The following COMMD1 variants were observed in gnomAD, a reference collection of about 807,000 sequenced individuals.
The protein encoded by COMMD1 is COMM domain-containing protein 1.
Under a neutral mutation model 17.2 loss-of-function variants are expected in COMMD1, and 10 were observed. The ratio of observed to expected loss-of-function variants is 0.58; its 90% CI spans 0.36 to 0.99. The LOEUF is 0.99. Among genes scored for constraint, COMMD1 ranks in the 50% least tolerant of loss-of-function variants. COMMD1 has a pLI of 0.01. For synonymous variants in COMMD1, 97 were observed against 91.6 expected (o/e 1.06, Z -0.34); for missense variants, 270 against 231.8 (o/e 1.17, Z -1.07).
rs113312504 is a variant in COMMD1 at position 62,057,960 on chromosome 2, T to C, written c.462+56978T>C. Among the ~76,000 whole-genome samples, 825 of 152,300 alleles carry C rather than the reference T, an allele frequency of 5.4e-3. 10 individuals are homozygous for C. The highest frequency in any genetic ancestry group is 0.019 in the African/African-American group (784 of 41,558). On this transcript the variant is annotated intron_variant, in intron 2 of 2. Coordinates refer to ENST00000311832, the MANE Select transcript of COMMD1 (RefSeq NM_152516.4). Reference sequence around the variant, plus strand: ...TTATTTTTTTTCCAAACCCTGCATGTGGCATTTGAGCATGGTTTATTTTAA... The same window carrying C: ...TTATTTTTTTTCCAAACCCTGCATGCGGCATTTGAGCATGGTTTATTTTAA...
At chr2:62,088,006 C>T (rs1448144783) in intron 2 of COMMD1, among the ~76,000 whole-genome samples, 1 of 152,194 alleles carries the variant, frequency 6.6e-6, no homozygotes, top group Non-Finnish European at 1.5e-5. Context: ...TGGCAAAAGT[C>T]ATGAATAACA....
chr2:62,007,857 G>C (rs1240230050), intron 2 of COMMD1, among the ~76,000 whole-genome samples: 1 of 152,108 alleles, frequency 6.6e-6, no homozygotes, highest in Non-Finnish European at 1.5e-5. Context: ...TAGTAAATAA[G>C]GAGTAAGAAT....
At chr2:62,062,821 C>A (rs2060632) in intron 2 of COMMD1, among the ~76,000 whole-genome samples, 2 of 151,750 alleles carry the variant, frequency 1.3e-5, no homozygotes, top group Non-Finnish European at 1.5e-5. Context: ...TGTAATCTTA[C>A]CACTTTCGGA....
chr2:61,907,552 CAT>C (rs1217471442), intron 1 of COMMD1, among the ~76,000 whole-genome samples: 1 of 152,016 alleles, frequency 6.6e-6, no homozygotes, highest in Non-Finnish European at 1.5e-5. Flanking sequence ...GACAACAGCA[CAT>C]GTGTAGGTAA....
chr2:62,116,108 C>T (rs1308333132), intron 2 of COMMD1, among the ~76,000 whole-genome samples: 1 of 152,002 alleles, frequency 6.6e-6, no homozygotes, highest in Non-Finnish European at 1.5e-5. Flanking sequence ...TGGCCTTCCA[C>T]AGTGCTGGGA....
intron 1 of COMMD1, among the ~76,000 whole-genome samples, chr2:61,894,484 A>T (rs1327339842): frequency 2.0e-5 from 3 of 152,060 alleles, no homozygotes; most frequent in Admixed American, 1.3e-4. Context: ...TCCTAGATCC[A>T]ACTACCAATG....
intron 2 of COMMD1, among the ~76,000 whole-genome samples, chr2:62,126,857 T>C (rs971160531): frequency 6.6e-6 from 1 of 152,058 alleles, no homozygotes; most frequent in African/African-American, 2.4e-5. Flanking sequence ...CTATTCAACA[T>C]AGTATTGAAA....
intron 1 of COMMD1, among the ~76,000 whole-genome samples, chr2:61,941,268 T>C (rs1670740968): frequency 6.6e-6 from 1 of 152,102 alleles, no homozygotes; most frequent in South Asian, 2.1e-4. Context: ...CCTTAGGTGA[T>C]CCACCCGCCT....
intron 2 of COMMD1, among the ~76,000 whole-genome samples, chr2:62,101,710 T>G (rs1672183270): frequency 6.6e-6 from 1 of 152,054 alleles, no homozygotes; most frequent in Non-Finnish European, 1.5e-5. Context: ...AGTTCAATAA[T>G]ATGCTAGAAT....
intron 2 of COMMD1, among the ~76,000 whole-genome samples, chr2:62,099,824 C>A (rs1672125183): frequency 6.6e-6 from 1 of 152,054 alleles, no homozygotes; most frequent in African/African-American, 2.4e-5. Context: ...TGTAGGGCCG[C>A]TGCATGTTGC....
intron 2 of COMMD1, among the ~76,000 whole-genome samples, chr2:62,083,146 C>G (rs1173233641): frequency 6.6e-6 from 1 of 152,178 alleles, no homozygotes; most frequent in Admixed American, 6.5e-5. Flanking sequence ...GTAGTCCCAT[C>G]TACTCGACAT....
chr2:62,069,358 G>C (rs1671137898), intron 2 of COMMD1: 1 of 152,176 alleles, frequency 6.6e-6, no homozygotes. Context: ...AATAAGGAAA[G>C]AGGCAAATAT....
intron 1 of COMMD1, among the ~76,000 whole-genome samples, chr2:61,941,575 T>C (rs1454998946): frequency 1.3e-5 from 2 of 152,204 alleles, no homozygotes; most frequent in Admixed American, 6.5e-5. Context: ...CTCTACTTGG[T>C]ATTTTATAGG....
At chr2:61,959,632 A>T (rs946428064) in intron 1 of COMMD1, among the ~76,000 whole-genome samples, 25 of 152,222 alleles carry the variant, frequency 1.6e-4, no homozygotes, top group African/African-American at 5.8e-4. Context: ...GAATTGGCTA[A>T]TTGCTTCATG....
At chr2:62,000,600 T>G (rs1423281942) in intron 1 of COMMD1, 101 bp from the exon 2 acceptor site, 45 of 1,156,194 alleles carry the variant, frequency 3.9e-5, no homozygotes, top group Non-Finnish European at 5.6e-5. Context: ...GCTATTTCAG[T>G]GATTTAAGAG....
intron 1 of COMMD1, among the ~76,000 whole-genome samples, chr2:61,915,221 G>A (rs1670019063): frequency 6.6e-6 from 1 of 151,894 alleles, no homozygotes; most frequent in South Asian, 2.1e-4. Flanking sequence ...GGTCAGGTTG[G>A]TCTCCAACTC....
At chr2:61,996,422 A>G (rs1668757736) in intron 1 of COMMD1, among the ~76,000 whole-genome samples, 1 of 151,480 alleles carries the variant, frequency 6.6e-6, no homozygotes, top group African/African-American at 2.4e-5. Flanking sequence ...GTGATTGCTG[A>G]AAGTTGGGGT....
rs537875205 is a variant in COMMD1 at position 61,989,083 on chromosome 2, G to A, written c.181-11618G>A. Among the ~76,000 whole-genome samples the A allele has an allele frequency of 2.0e-5, 3 of 152,304 alleles. No homozygotes were observed. The East Asian group carries it at 5.8e-4, about 29-fold the overall frequency. Reference sequence around the variant, plus strand: ...TCAGTTTGTTTTTCTGCAGTATGAAGTTAAAACCAGGTATTGTGATCACTC... The same window carrying A: ...TCAGTTTGTTTTTCTGCAGTATGAAATTAAAACCAGGTATTGTGATCACTC... On this transcript the variant is annotated intron_variant, in intron 1 of 2. Coordinates refer to ENST00000311832, the MANE Select transcript of COMMD1 (RefSeq NM_152516.4).
At chr2:61,998,246 CTTTTTTTTTT>C (rs71410912) in intron 1 of COMMD1, among the ~76,000 whole-genome samples, 9 of 126,474 alleles carry the variant, frequency 7.1e-5, no homozygotes, top group East Asian at 4.6e-4. Context: ...GTTGTGCTTT[CTTTTTTTTTT>C]TTTTTTTTTT....
Sources: gnomAD v4.1 joint callset for allele counts (sites outside exome capture counted in the v4.1 genomes callset) on GRCh38, gnomAD v4.1.1 for gene constraint, MANE v1.5 for transcripts, NCBI Gene and HGNC (gene_info 2026-07-23, HGNC 2026-07-21) for gene names.